KALRN: variants seen among roughly 807,000 people sequenced by gnomAD.
KALRN encodes the protein kalirin.
A neutral mutation model predicts 353.7 loss-of-function variants in KALRN; 70 were observed. The ratio of observed to expected loss-of-function variants is 0.20; its 90% CI spans 0.16 to 0.24. The LOEUF (loss-of-function observed/expected upper bound fraction) is 0.24, where lower values mean the gene tolerates loss of function less well. Among genes scored for constraint, KALRN ranks in the 10% least tolerant of loss-of-function variants. The pLI is 1.00. For missense variants in KALRN, 2,791 were observed against 3,756.7 expected, an observed-to-expected ratio of 0.74 and a Z score of 6.72; for synonymous variants, 1,391 against 1,434.8, an observed-to-expected ratio of 0.97 and a Z score of 0.69.
At chr3:124,307,487 A>G (rs2077818344) in intron 6 of KALRN, among the ~76,000 whole-genome samples, 1 of 152,056 alleles carries the variant, frequency 6.6e-6, no homozygotes, top group Non-Finnish European at 1.5e-5. Context: ...ATATGACAAA[A>G]TGTGAGGAAA....
At position 124,637,198 on chromosome 3, in the gene KALRN, T is replaced by C; in HGVS notation, c.5569-10T>C. 2 of 1,607,434 alleles carry C rather than the reference T, an allele frequency of 1.2e-6. No homozygotes were observed. The highest frequency in any genetic ancestry group is 1.7e-4 in the Middle Eastern group (1 of 6,048). On this transcript the variant is annotated splice_polypyrimidine_tract_variant and intron_variant, in intron 36 of 59. Transcript: ENST00000682506. ...AATCTGCTTTTCCTCTGCTGCCCGA[T>C]GTCTTGCAGTCCTCCTCTTTGCTAG...
chr3:124,612,808 C>T (rs879693967), intron 34 of KALRN, among the ~76,000 whole-genome samples: 3 of 152,116 alleles, frequency 2.0e-5, no homozygotes, highest in Non-Finnish European at 2.9e-5. Context: ...CAGCTCCTGG[C>T]ATATAGGAAG....
intron 29 of KALRN, among the ~76,000 whole-genome samples, chr3:124,489,545 C>G (rs2108397457): frequency 6.6e-6 from 1 of 152,278 alleles, no homozygotes; most frequent in South Asian, 2.1e-4. Context: ...TGGCTATTTT[C>G]CCTAGGCTGA....
intron 27 of KALRN, among the ~76,000 whole-genome samples, chr3:124,480,421 A>G (rs989843050): frequency 2.6e-5 from 4 of 152,098 alleles, no homozygotes; most frequent in African/African-American, 9.7e-5. Flanking sequence ...AACAAGTCCT[A>G]TCTAGTCCAT....
intron 1 of KALRN, among the ~76,000 whole-genome samples, chr3:124,052,269 A>G (rs1047671852): frequency 6.6e-6 from 1 of 152,198 alleles, no homozygotes; most frequent in East Asian, 1.9e-4. Context: ...GTGGCTTCAA[A>G]CAATTTTGGT....
intron 1 of KALRN, among the ~76,000 whole-genome samples, chr3:124,224,133 A>C (rs1352336020): frequency 1.3e-5 from 2 of 150,238 alleles, no homozygotes; most frequent in Non-Finnish European, 2.9e-5. Context: ...GGTCAGGTCC[A>C]TGAAGGTGCC....
intron 1 of KALRN, among the ~76,000 whole-genome samples, chr3:124,158,844 C>T (rs902405521): frequency 4.6e-5 from 7 of 152,192 alleles, no homozygotes; most frequent in African/African-American, 1.7e-4. Context: ...GGCTTCCATC[C>T]AGGTCTTCCT....
At chr3:124,191,042 G>A (rs538717432) in intron 1 of KALRN, among the ~76,000 whole-genome samples, 15 of 152,296 alleles carry the variant, frequency 9.8e-5, no homozygotes, top group Admixed American at 2.6e-4. Context: ...AACTCAGGGA[G>A]ACATGGTTTA....
At chr3:124,271,775 T>C (rs1351685921) in intron 5 of KALRN, among the ~76,000 whole-genome samples, 1 of 152,236 alleles carries the variant, frequency 6.6e-6, no homozygotes, top group Non-Finnish European at 1.5e-5. Flanking sequence ...AAATCCTACA[T>C]TTTAATGCTC....
chr3:124,061,051 G>C (rs1559887743), intron 1 of KALRN, among the ~76,000 whole-genome samples: 1 of 152,226 alleles, frequency 6.6e-6, no homozygotes, highest in Non-Finnish European at 1.5e-5. Context: ...AGAAATTGGA[G>C]ACAGTGACGA....
At chr3:124,420,567 T>C (rs965076937) in intron 14 of KALRN, among the ~76,000 whole-genome samples, 2 of 152,196 alleles carry the variant, frequency 1.3e-5, no homozygotes, top group Admixed American at 1.3e-4. Flanking sequence ...CCCTTGGTAA[T>C]TGAAAATAGT....
At chr3:124,710,785 G>A (rs552824052) in intron 57 of KALRN, among the ~76,000 whole-genome samples, 2 of 152,222 alleles carry the variant, frequency 1.3e-5, no homozygotes, top group South Asian at 4.1e-4. Flanking sequence ...CAAGACTCCA[G>A]GGAAGGAAAA....
chr3:124,131,395 TCCTCTA>T (rs1349473651), intron 1 of KALRN, among the ~76,000 whole-genome samples: 2 of 152,204 alleles, frequency 1.3e-5, no homozygotes, highest in Admixed American at 6.5e-5. Flanking sequence ...TTCCAGTCAC[TCCTCTA>T]CCTTTGACCC....
chr3:124,303,377 C>A (rs1340332609), intron 6 of KALRN, among the ~76,000 whole-genome samples: 7 of 152,176 alleles, frequency 4.6e-5, no homozygotes, highest in Admixed American at 4.6e-4. Context: ...AGACAACCAG[C>A]TTTCCTGAGC....
intron 15 of KALRN, among the ~76,000 whole-genome samples, chr3:124,424,501 T>C (rs2092931652): frequency 6.6e-6 from 1 of 152,078 alleles, no homozygotes; most frequent in Non-Finnish European, 1.5e-5. Context: ...TCTTCTCCAC[T>C]CCCCATCTCT....
chr3:124,103,096 C>T (rs976418331), intron 1 of KALRN, among the ~76,000 whole-genome samples: 4 of 152,154 alleles, frequency 2.6e-5, no homozygotes, highest in Admixed American at 2.6e-4. Context: ...GGAAGAGCTC[C>T]ATCTGTCTGT....
At chr3:124,706,663 A>G (rs2062630810) in intron 57 of KALRN, among the ~76,000 whole-genome samples, 1 of 151,598 alleles carries the variant, frequency 6.6e-6, no homozygotes, top group South Asian at 2.1e-4. Context: ...TCTACCTCCC[A>G]GGTTCAAGCG....
intron 51 of KALRN, among the ~76,000 whole-genome samples, chr3:124,681,629 CTTT>C (rs56934346): frequency 1.6e-4 from 17 of 103,690 alleles, no homozygotes; most frequent in African/African-American, 1.6e-4. Context: ...CAGTGATTGT[CTTT>C]TTTTTTTTTT....
intron 34 of KALRN, among the ~76,000 whole-genome samples, chr3:124,593,919 C>G (rs2076037509): frequency 6.6e-6 from 1 of 152,128 alleles, no homozygotes; most frequent in Admixed American, 6.5e-5. Context: ...TCTCTAACTC[C>G]TGGGTTCAAG....
Sources: gnomAD v4.1 joint callset for allele counts (sites outside exome capture counted in the v4.1 genomes callset) on GRCh38, gnomAD v4.1.1 for gene constraint, MANE v1.5 for transcripts, NCBI Gene and HGNC (gene_info 2026-07-23, HGNC 2026-07-21) for gene names.